The following LARGE1 variants were observed in gnomAD, a reference collection of about 807,000 sequenced individuals.
LARGE1 encodes the protein xylosyl- and glucuronyltransferase LARGE1.
Under a neutral mutation model 87.6 loss-of-function variants are expected in LARGE1, and 43 were observed. The observed-to-expected ratio is 0.49, with a 90% CI of 0.38 to 0.63. The LOEUF (loss-of-function observed/expected upper bound fraction) is 0.63, where lower values mean the gene tolerates loss of function less well. Among genes scored for constraint, LARGE1 ranks in the 30% least tolerant of loss-of-function variants. The probability of loss-of-function intolerance (pLI) is 0.00; values close to 1 mark genes in which losing one functional copy is unlikely to be tolerated. For missense variants in LARGE1, 802 were observed against 1,000.2 expected (o/e 0.80, Z 2.67); for synonymous variants, 434 against 394.6 (o/e 1.10, Z -1.18).
the LARGE1 span, among the ~76,000 whole-genome samples, chr22:33,141,088 A>G: frequency 6.6e-6 from 1 of 152,118 alleles, no homozygotes; most frequent in African/African-American, 2.4e-5. Context: ...GCCCACAAAT[A>G]TTAACAAGTA....
At chr22:33,591,643 A>G (rs2078840915) in intron 5 of LARGE1, among the ~76,000 whole-genome samples, 1 of 152,046 alleles carries the variant, frequency 6.6e-6, no homozygotes, top group African/African-American at 2.4e-5. Context: ...AAGAACAAAA[A>G]TCCTCAACTT....
the LARGE1 span, among the ~76,000 whole-genome samples, chr22:33,086,549 C>CTTTT: frequency 5.5e-5 from 6 of 108,436 alleles, no homozygotes; most frequent in Admixed American, 1.0e-4. Flanking sequence ...AGTTCTTCTA[C>CTTTT]TTTTTTTTTT....
chr22:33,250,313 T>G (rs1298459273), intron 11 of LARGE1, among the ~76,000 whole-genome samples: 1 of 152,222 alleles, frequency 6.6e-6, no homozygotes, highest in Non-Finnish European at 1.5e-5. Context: ...TAATTTAAAA[T>G]CCCACTTGTT....
chr22:33,822,206 C>A (rs1217464250), intron 1 of LARGE1, among the ~76,000 whole-genome samples: 1 of 152,122 alleles, frequency 6.6e-6, no homozygotes. Context: ...GACAATCAGC[C>A]CTACCCTATG....
chr22:33,811,687 C>A (rs80352077), intron 1 of LARGE1, among the ~76,000 whole-genome samples: 1 of 152,164 alleles, frequency 6.6e-6, no homozygotes, highest in Non-Finnish European at 1.5e-5. Context: ...AGCTTTATTA[C>A]GTCACGGTAA....
At chr22:33,492,953 G>A (rs2069921288) in intron 6 of LARGE1, among the ~76,000 whole-genome samples, 1 of 152,120 alleles carries the variant, frequency 6.6e-6, no homozygotes, top group African/African-American at 2.4e-5. Flanking sequence ...ATACTCTGCT[G>A]TGATGCTTCC....
intron 1 of LARGE1, among the ~76,000 whole-genome samples, chr22:33,859,796 GTAGAAGGAAATATCATCGACACGC>G (rs1423449623): frequency 6.6e-6 from 1 of 152,200 alleles, no homozygotes; most frequent in Non-Finnish European, 1.5e-5. Flanking sequence ...TACATATAAA[GTAGAAGGAAATATCATCGACACGC>G]TACACCATGT....
intron 5 of LARGE1, among the ~76,000 whole-genome samples, chr22:33,582,973 T>C (rs1472809079): frequency 6.6e-6 from 1 of 152,266 alleles, no homozygotes; most frequent in Non-Finnish European, 1.5e-5. Flanking sequence ...GATACTGTAC[T>C]ATGTTATTAT....
chr22:33,150,141 G>A, the LARGE1 span, among the ~76,000 whole-genome samples: 9 of 152,250 alleles, frequency 5.9e-5, no homozygotes, highest in South Asian at 1.7e-3. Flanking sequence ...AAGTATCAAA[G>A]AACTGAAACT....
chr22:33,488,942 C>T (rs2069704025), intron 6 of LARGE1, among the ~76,000 whole-genome samples: 1 of 152,212 alleles, frequency 6.6e-6, no homozygotes, highest in South Asian at 2.1e-4. Flanking sequence ...GAGTACCTAT[C>T]AAAGTCTTTG....
At chr22:33,375,031 T>C (rs11703588) in intron 9 of LARGE1, among the ~76,000 whole-genome samples, 14,659 of 152,198 alleles carry the variant, frequency 0.096, 919 homozygotes, top group South Asian at 0.25. Context: ...ATGGACTAAA[T>C]GCAAATGTTT....
intron 9 of LARGE1, among the ~76,000 whole-genome samples, chr22:33,366,904 T>C (rs2064614859): frequency 6.6e-6 from 1 of 152,236 alleles, no homozygotes; most frequent in African/African-American, 2.4e-5. Context: ...GAAAAGTTTA[T>C]TTAAAATTGG....
intron 10 of LARGE1, among the ~76,000 whole-genome samples, chr22:33,333,881 G>A (rs5998877): frequency 0.13 from 19,472 of 151,956 alleles, 3,063 homozygotes; most frequent in African/African-American, 0.38. Context: ...CACTTTGGGA[G>A]GCTGAGGTGG....
At chr22:33,074,554 A>G in the LARGE1 span, among the ~76,000 whole-genome samples, 1 of 152,100 alleles carries the variant, frequency 6.6e-6, no homozygotes, top group Non-Finnish European at 1.5e-5. Flanking sequence ...GCGTGCCTGT[A>G]GTCCCAGCTA....
At chr22:33,842,718 G>C (rs2063315063) in intron 1 of LARGE1, among the ~76,000 whole-genome samples, 2 of 152,180 alleles carry the variant, frequency 1.3e-5, no homozygotes, top group Non-Finnish European at 2.9e-5. Context: ...CTAAAATATG[G>C]TGGCCACTAG....
At chr22:33,824,491 C>T (rs1363224062) in intron 1 of LARGE1, among the ~76,000 whole-genome samples, 1 of 152,192 alleles carries the variant, frequency 6.6e-6, no homozygotes, top group Admixed American at 6.5e-5. Flanking sequence ...ATTCAATCAC[C>T]TCCCTCCAAG....
chr22:33,207,789 T>G (rs1261257139), intron 11 of LARGE1, among the ~76,000 whole-genome samples: 7 of 152,174 alleles, frequency 4.6e-5, no homozygotes, highest in Admixed American at 4.6e-4. Context: ...GGCTACCGTC[T>G]TTTAGGCATG....
chr22:33,466,681 CCTCT>C (rs796724256), intron 6 of LARGE1, among the ~76,000 whole-genome samples: 18 of 142,098 alleles, frequency 1.3e-4, no homozygotes, highest in Admixed American at 1.2e-3. Context: ...TCATTCACCC[CCTCT>C]CTCTCTCTAC....
At chr22:33,642,985 T>A in intron 3 of LARGE1, among the ~76,000 whole-genome samples, 1 of 152,088 alleles carries the variant, frequency 6.6e-6, no homozygotes, top group East Asian at 1.9e-4. Context: ...ATTAGACAGA[T>A]CAATGAGCAG....
Sources: allele counts gnomAD v4.1 joint callset (sites outside exome capture counted in the v4.1 genomes callset), GRCh38; gene constraint gnomAD v4.1.1; transcripts MANE v1.5; gene names NCBI Gene and HGNC (gene_info 2026-07-23, HGNC 2026-07-21).